LRRIQ3: variants seen among roughly 807,000 people sequenced by gnomAD.
The protein encoded by LRRIQ3 is leucine-rich repeat and IQ domain-containing protein 3.
In LRRIQ3, 75 loss-of-function variants were observed where a neutral mutation model predicts 59.3. The ratio of observed to expected loss-of-function variants is 1.26; its 90% CI spans 1.05 to 1.53. The LOEUF is 1.53. Ranked by LOEUF, LRRIQ3 falls within the 40% of genes most tolerant of loss-of-function variation. The pLI, the probability that LRRIQ3 is intolerant of heterozygous loss-of-function variation, is 0.00. For synonymous variants in LRRIQ3, 250 were observed against 231.3 expected, an observed-to-expected ratio of 1.08 and a Z score of -0.73; for missense variants, 831 against 710.0, an observed-to-expected ratio of 1.17 and a Z score of -1.94.
intron 6 of LRRIQ3, among the ~76,000 whole-genome samples, chr1:74,044,355 G>A (rs183427069): frequency 1.1e-4 from 16 of 152,122 alleles, no homozygotes; most frequent in Non-Finnish European, 1.3e-4. Flanking sequence ...GTGCCCTCTC[G>A]TGATAATGAG....
intron 6 of LRRIQ3, among the ~76,000 whole-genome samples, chr1:74,042,994 T>C (rs1289519352): frequency 6.6e-6 from 1 of 152,110 alleles, no homozygotes; most frequent in African/African-American, 2.4e-5. Context: ...ACCAGAATCA[T>C]CCAAGTTGGG....
chr1:74,074,151 A>T (rs998985983), intron 6 of LRRIQ3, among the ~76,000 whole-genome samples: 2 of 152,164 alleles, frequency 1.3e-5, no homozygotes, highest in African/African-American at 4.8e-5. Context: ...TTCCTAAAAA[A>T]ATTTCTCCTA....
chr1:74,159,912 A>T (rs765097716), intron 3 of LRRIQ3, among the ~76,000 whole-genome samples: 33 of 151,932 alleles, frequency 2.2e-4, no homozygotes, highest in Admixed American at 3.3e-4. Flanking sequence ...TTTCTCTCGC[A>T]CCTTTTTCCA....
At chr1:74,050,412 T>G in intron 6 of LRRIQ3, 1 of 568,846 alleles carries the variant, frequency 1.8e-6, no homozygotes, top group Non-Finnish European at 2.2e-6. Flanking sequence ...ACCTCTCAAC[T>G]TAAGAGCAAA....
intron 2 of LRRIQ3, chr1:74,183,140 T>C (rs948308909): frequency 1.3e-5 from 4 of 314,848 alleles, no homozygotes; most frequent in Admixed American, 9.1e-5. Flanking sequence ...TCTTTAAACT[T>C]TTCTAAAATA....
intron 3 of LRRIQ3, among the ~76,000 whole-genome samples, chr1:74,173,350 TA>T: frequency 6.6e-6 from 1 of 152,030 alleles, no homozygotes; most frequent in Admixed American, 6.6e-5. Context: ...CTGGTGAGTT[TA>T]ATCCATTTAC....
chr1:74,090,761 G>C (rs1467282763), intron 5 of LRRIQ3, among the ~76,000 whole-genome samples: 2 of 151,812 alleles, frequency 1.3e-5, no homozygotes, highest in African/African-American at 4.8e-5. Context: ...GGGTGTGGGA[G>C]TGTGTGCCTG....
chr1:74,179,124 C>A (rs1649812187), intron 3 of LRRIQ3, among the ~76,000 whole-genome samples: 1 of 151,864 alleles, frequency 6.6e-6, no homozygotes, highest in South Asian at 2.1e-4. Context: ...GGTTTCTTGC[C>A]CATATCACTC....
intron 6 of LRRIQ3, among the ~76,000 whole-genome samples, chr1:74,048,890 G>A (rs1369055473): frequency 1.3e-5 from 2 of 152,010 alleles, no homozygotes; most frequent in African/African-American, 4.8e-5. Context: ...CTATCCCAGG[G>A]CTCATGAAAC....
In LRRIQ3 at chr1:74,041,213, C is replaced by T. The variant is rs1654033119; in HGVS notation, c.1718G>A (p.Arg573Lys). 1.3e-6 allele frequency: 2 copies of T among 1,563,668 alleles called. No individual in the cohort carries two copies. Among genetic ancestry groups the T allele is most frequent in the South Asian group, 1.2e-5 (1 of 83,680 alleles). The change falls in exon 7 of 8, where the codon AGA becomes AAA. Residue 573 changes from arginine to lysine, a missense_variant and splice_region_variant. Arg to Lys is a conservative substitution (Grantham distance 26). Coordinates refer to ENST00000354431, the MANE Select transcript of LRRIQ3 (RefSeq NM_001105659.2). ...KNLLKEMKKV[R>K]SQEIYKRHCE... ...TCTGTTATATCTAAATTGTACCTAC[C>T]TAACTTTTTTCATTTCTTTAAGTAA...
At chr1:74,076,507 C>T (rs895528244) in intron 5 of LRRIQ3, among the ~76,000 whole-genome samples, 3 of 152,016 alleles carry the variant, frequency 2.0e-5, no homozygotes, top group African/African-American at 4.8e-5. Flanking sequence ...AGAAGAAAGT[C>T]AGGTAAACTC....
intron 3 of LRRIQ3, among the ~76,000 whole-genome samples, chr1:74,169,252 T>G (rs1649179198): frequency 6.6e-6 from 1 of 152,114 alleles, no homozygotes; most frequent in Admixed American, 6.6e-5. Flanking sequence ...ATGGTAGGAT[T>G]TCCTTCTTTT....
At chr1:74,082,703 G>A (rs1040779868) in intron 5 of LRRIQ3, 1 of 150,828 alleles carries the variant, frequency 6.6e-6, no homozygotes, top group Admixed American at 6.7e-5. Context: ...ATCTGAGGAG[G>A]GATTTATATT....
chr1:74,122,130 C>T (rs1646867862), intron 4 of LRRIQ3, among the ~76,000 whole-genome samples: 1 of 152,078 alleles, frequency 6.6e-6, no homozygotes, highest in Non-Finnish European at 1.5e-5. Context: ...AATGGTATTT[C>T]TAGTTCTAGA....
intron 5 of LRRIQ3, among the ~76,000 whole-genome samples, chr1:74,095,401 T>C (rs1022396262): frequency 3.9e-5 from 6 of 152,180 alleles, no homozygotes; most frequent in Non-Finnish European, 5.9e-5. Flanking sequence ...ATTTCTCTCA[T>C]AGAACTGTTC....
At chr1:74,179,134 C>G (rs751525756) in intron 3 of LRRIQ3, among the ~76,000 whole-genome samples, 19 of 152,044 alleles carry the variant, frequency 1.2e-4, no homozygotes, top group Non-Finnish European at 2.4e-4. Context: ...CCATATCACT[C>G]TGATCTTTAA....
chr1:74,178,012 T>C (rs1416956893), intron 3 of LRRIQ3, among the ~76,000 whole-genome samples: 1 of 151,974 alleles, frequency 6.6e-6, no homozygotes, highest in Non-Finnish European at 1.5e-5. Flanking sequence ...AAAATATCAT[T>C]ATTGTGGCAG....
At chr1:74,149,981 C>A (rs1459197994) in intron 4 of LRRIQ3, among the ~76,000 whole-genome samples, 1 of 152,046 alleles carries the variant, frequency 6.6e-6, no homozygotes, top group Non-Finnish European at 1.5e-5. Context: ...TAAATTCTGG[C>A]CAAGGAAATG....
chr1:74,039,407 G>A (rs1396024819), intron 7 of LRRIQ3, among the ~76,000 whole-genome samples: 1 of 152,120 alleles, frequency 6.6e-6, no homozygotes, highest in Non-Finnish European at 1.5e-5. Flanking sequence ...ACACATGTCA[G>A]GATACTATCT....
Sources: gnomAD v4.1 joint callset for allele counts (sites outside exome capture counted in the v4.1 genomes callset) on GRCh38, gnomAD v4.1.1 for gene constraint, MANE v1.5 for transcripts, NCBI Gene and HGNC (gene_info 2026-07-23, HGNC 2026-07-21) for gene names.